DGKB: variants seen among roughly 807,000 people sequenced by gnomAD.
The protein encoded by DGKB is diacylglycerol kinase beta.
DGKB carries 67 observed loss-of-function variants against 114.3 expected under a neutral mutation model. The ratio of observed to expected loss-of-function variants is 0.59; its 90% CI spans 0.48 to 0.72. DGKB has a LOEUF of 0.72. Among genes scored for constraint, DGKB ranks in the 30% least tolerant of loss-of-function variants. The pLI, the probability that DGKB is intolerant of heterozygous loss-of-function variation, is 0.00. For missense variants in DGKB, 907 were observed against 975.2 expected, an observed-to-expected ratio of 0.93 and a Z score of 0.93; for synonymous variants, 398 against 323.1, an observed-to-expected ratio of 1.23 and a Z score of -2.49.
At chr7:14,791,560 G>T (rs1351695138) in intron 2 of DGKB, among the ~76,000 whole-genome samples, 2 of 152,076 alleles carry the variant, frequency 1.3e-5, no homozygotes, top group African/African-American at 4.8e-5. Context: ...TTGTATAGAT[G>T]CTCTTTGTCA....
intron 21 of DGKB, among the ~76,000 whole-genome samples, chr7:14,449,994 G>A (rs1831248544): frequency 6.6e-6 from 1 of 151,810 alleles, no homozygotes; most frequent in South Asian, 2.1e-4. Context: ...AGTGTACTTT[G>A]CTTCTCAAAG....
intron 20 of DGKB, among the ~76,000 whole-genome samples, chr7:14,558,587 T>C (rs1055317166): frequency 3.9e-5 from 6 of 152,212 alleles, no homozygotes; most frequent in African/African-American, 1.2e-4. Flanking sequence ...TAATTGATTT[T>C]AATAAATTGT....
chr7:14,370,994 T>C (rs1817537827), intron 21 of DGKB, among the ~76,000 whole-genome samples: 1 of 152,136 alleles, frequency 6.6e-6, no homozygotes, highest in African/African-American at 2.4e-5. Context: ...AATGACATGA[T>C]TTCATTCTTT....
At chr7:14,293,738 C>T (rs527583112) in intron 23 of DGKB, among the ~76,000 whole-genome samples, 2 of 152,136 alleles carry the variant, frequency 1.3e-5, no homozygotes, top group African/African-American at 4.8e-5. Context: ...CCTTCACAGG[C>T]TAGATGGAGT....
At chr7:14,779,863 T>C (rs747309315) in intron 2 of DGKB, among the ~76,000 whole-genome samples, 53 of 152,214 alleles carry the variant, frequency 3.5e-4, no homozygotes, top group Non-Finnish European at 7.3e-4. Flanking sequence ...CCAGAGTATC[T>C]ATTGTCTGTT....
intron 2 of DGKB, among the ~76,000 whole-genome samples, chr7:14,827,993 C>T (rs757615517): frequency 1.3e-5 from 2 of 151,980 alleles, no homozygotes; most frequent in Non-Finnish European, 2.9e-5. Flanking sequence ...TCTGGAGAAA[C>T]TTGGGGAAGG....
intron 21 of DGKB, among the ~76,000 whole-genome samples, chr7:14,359,101 GAT>G (rs144055630): frequency 3.5e-4 from 53 of 149,528 alleles, no homozygotes; most frequent in African/African-American, 9.8e-4. Flanking sequence ...TACCAAAACA[GAT>G]ATATATATAT....
chr7:14,582,612 G>A (rs1800107443), intron 18 of DGKB, among the ~76,000 whole-genome samples: 10 of 152,204 alleles, frequency 6.6e-5, no homozygotes, highest in African/African-American at 9.6e-5. Flanking sequence ...ATAAAAATTA[G>A]CTATGATGAT....
At chr7:14,466,265 T>C (rs547755301) in intron 21 of DGKB, among the ~76,000 whole-genome samples, 2 of 152,218 alleles carry the variant, frequency 1.3e-5, no homozygotes, top group South Asian at 4.2e-4. Context: ...ATACTTAAAA[T>C]AGCAACATTA....
chr7:14,596,155 T>C (rs958848351), intron 17 of DGKB, among the ~76,000 whole-genome samples: 1 of 152,152 alleles, frequency 6.6e-6, no homozygotes, highest in African/African-American at 2.4e-5. Context: ...AGAGCTGATA[T>C]AGGCTGTGCT....
At chr7:14,844,263 G>T (rs958052496) in intron 1 of DGKB, among the ~76,000 whole-genome samples, 1 of 152,132 alleles carries the variant, frequency 6.6e-6, no homozygotes, top group Non-Finnish European at 1.5e-5. Flanking sequence ...TGACATGTTG[G>T]CTGCAAACCC....
intron 23 of DGKB, among the ~76,000 whole-genome samples, chr7:14,297,483 G>C (rs1427396438): frequency 1.3e-5 from 2 of 152,024 alleles, no homozygotes; most frequent in Non-Finnish European, 2.9e-5. Context: ...ATGCAGAAAA[G>C]GCCTTCAATA....
intron 20 of DGKB, among the ~76,000 whole-genome samples, chr7:14,556,731 A>C (rs1164624610): frequency 6.6e-6 from 1 of 152,054 alleles, no homozygotes; most frequent in African/African-American, 2.4e-5. Flanking sequence ...ATACTACTTG[A>C]ATTTATTTCC....
chr7:14,659,312 T>G (rs891615829), intron 13 of DGKB, among the ~76,000 whole-genome samples: 2 of 152,092 alleles, frequency 1.3e-5, no homozygotes, highest in African/African-American at 4.8e-5. Context: ...GTGAGATAAA[T>G]TACCCTGGGC....
intron 21 of DGKB, among the ~76,000 whole-genome samples, chr7:14,467,900 T>A (rs767319251): frequency 5.3e-5 from 8 of 152,074 alleles, no homozygotes; most frequent in African/African-American, 1.7e-4. Context: ...ATTAACCTCT[T>A]TGGAAAAAGT....
At chr7:14,821,077 G>C (rs939701157) in intron 2 of DGKB, among the ~76,000 whole-genome samples, 7 of 152,074 alleles carry the variant, frequency 4.6e-5, no homozygotes, top group Non-Finnish European at 7.4e-5. Flanking sequence ...ATAAAAAAAG[G>C]TCTATTCACA....
chr7:14,740,588 G>A (rs762454867), intron 4 of DGKB, among the ~76,000 whole-genome samples: 3 of 152,154 alleles, frequency 2.0e-5, no homozygotes, highest in Non-Finnish European at 2.9e-5. Context: ...CTGGATCTTA[G>A]GGATCCAGAG....
intron 23 of DGKB, among the ~76,000 whole-genome samples, chr7:14,214,031 C>G (rs1307874278): frequency 6.6e-6 from 1 of 152,046 alleles, no homozygotes; most frequent in Admixed American, 6.6e-5. Flanking sequence ...CCCAAGTACT[C>G]CTTATACTTT....
At chr7:14,974,416 C>G (rs936621068) in intron 1 of DGKB, among the ~76,000 whole-genome samples, 1 of 152,038 alleles carries the variant, frequency 6.6e-6, no homozygotes, top group African/African-American at 2.4e-5. Flanking sequence ...TCACTTCTAT[C>G]TTTAAAAGCT....
Sources: allele counts gnomAD v4.1 joint callset (sites outside exome capture counted in the v4.1 genomes callset), GRCh38; gene constraint gnomAD v4.1.1; transcripts MANE v1.5; gene names NCBI Gene and HGNC (gene_info 2026-07-23, HGNC 2026-07-21).